GPATCH1: variants seen among roughly 807,000 people sequenced by gnomAD.
GPATCH1 encodes G patch domain-containing protein 1.
A neutral mutation model predicts 114.9 loss-of-function variants in GPATCH1; 73 were observed. The observed-to-expected ratio is 0.64, with a 90% confidence interval of 0.53 to 0.77. The LOEUF (loss-of-function observed/expected upper bound fraction) is 0.77. GPATCH1 is among the 30% of genes least tolerant of loss of function. The pLI, the probability that GPATCH1 is intolerant of heterozygous loss-of-function variation, is 0.00. For synonymous variants in GPATCH1, 391 were observed against 428.4 expected (o/e 0.91, Z 1.08); for missense variants, 1,058 against 1,144.3 (o/e 0.92, Z 1.09).
intron 3 of GPATCH1, 70 bp downstream of exon 3, chr19:33,090,935 C>G (rs1972587656): frequency 1.1e-6 from 1 of 888,006 alleles, no homozygotes; most frequent in Admixed American, 1.9e-5. Context: ...TAACTGCCTT[C>G]TCTCTCCCCA....
chr19:33,121,320 C>CTTTTCT (rs1555721576), intron 17 of GPATCH1, among the ~76,000 whole-genome samples: 78 of 124,518 alleles, frequency 6.3e-4, no homozygotes, highest in East Asian at 5.7e-3. Context: ...CTTTTCTTTT[C>CTTTTCT]TTTTTTTTTT....
chr19:33,117,214 T>C lies in GPATCH1; in HGVS notation c.2197-611T>C, dbSNP rs140025017. ...CTGGCTCAAAAAACCCCAAAACAAA[T>C]TATTATTCCTCTGTACATAATGATG... On this transcript the variant is annotated intron_variant, in intron 15 of 19. Coordinates refer to ENST00000170564, the MANE Select transcript of GPATCH1 (RefSeq NM_018025.3). 3.1e-3 allele frequency among the ~76,000 whole-genome samples: 465 copies of C among 152,238 alleles called. 4 individuals are homozygous for C. The highest frequency in any genetic ancestry group is 0.011 in the African/African-American group (438 of 41,568).
At chr19:33,106,147 C>A (rs545038272) in intron 9 of GPATCH1, among the ~76,000 whole-genome samples, 23 of 152,074 alleles carry the variant, frequency 1.5e-4, no homozygotes, top group Non-Finnish European at 1.8e-4. Context: ...CTGTTCCCGG[C>A]CCCAACTATT....
intron 9 of GPATCH1, among the ~76,000 whole-genome samples, chr19:33,104,803 A>G (rs141889943): frequency 6.6e-6 from 1 of 152,314 alleles, no homozygotes; most frequent in Non-Finnish European, 1.5e-5. Context: ...TTAAAAATCT[A>G]GAGAATATTT....
chr19:33,114,300 G>T lies in GPATCH1; in HGVS notation c.2077G>T (p.Glu693Ter), dbSNP rs1385965440. 1 of 1,613,388 alleles carries T rather than the reference G, an allele frequency of 6.2e-7. No individual in the cohort carries two copies. The change falls in exon 15 of 20, where the codon GAA (glutamate) becomes TAA (stop). Residue 693 changes from glutamate to a stop codon, truncating the protein, a stop_gained. Coordinates refer to ENST00000170564, the MANE Select transcript of GPATCH1 (RefSeq NM_018025.3). LOFTEE classifies it high-confidence loss of function. ...RWDTSKHEKK[E>*]DSISEFLSLA... is the part of the protein sequence containing the mutation. ...GGATACCTCTAAACACGAAAAGAAA[G>T]AAGATTCCATTAGTGAATTTTTAAG... is the stretch of plus-strand genomic sequence containing the variant.
chr19:33,126,453 T>C, intron 18 of GPATCH1, 135 bp from the exon 19 acceptor site: 1 of 1,323,604 alleles, frequency 7.6e-7, no homozygotes, highest in African/African-American at 1.5e-5. Flanking sequence ...AGGCTCTCAC[T>C]CTCACTCACT....
chr19:33,106,299 C>T (rs887023567), intron 9 of GPATCH1, among the ~76,000 whole-genome samples: 2 of 152,184 alleles, frequency 1.3e-5, no homozygotes, highest in Non-Finnish European at 2.9e-5. Flanking sequence ...CCACTGCGCC[C>T]AGCCATTATT....
At chr19:33,110,047 C>A (rs529868679) in intron 11 of GPATCH1, 31 bp downstream of exon 11, 2 of 1,550,758 alleles carry the variant, frequency 1.3e-6, no homozygotes, top group Admixed American at 1.8e-5. Context: ...TCCCAAATCT[C>A]GGCCCGGGCG....
At chr19:33,104,199 G>C (rs901351349) in intron 9 of GPATCH1, among the ~76,000 whole-genome samples, 8 of 151,822 alleles carry the variant, frequency 5.3e-5, no homozygotes, top group African/African-American at 1.9e-4. Flanking sequence ...AATTAGCTGG[G>C]TGTGGTGGTA....
At chr19:33,105,032 C>T (rs1363854885) in intron 9 of GPATCH1, among the ~76,000 whole-genome samples, 2 of 152,184 alleles carry the variant, frequency 1.3e-5, no homozygotes, top group African/African-American at 4.8e-5. Flanking sequence ...CATTTCACTT[C>T]CGTCAACTTT....
At chr19:33,083,106 T>TG (rs59963268) in intron 1 of GPATCH1, among the ~76,000 whole-genome samples, 3,155 of 141,584 alleles carry the variant, frequency 0.022, 36 homozygotes, top group Non-Finnish European at 0.034. Context: ...CTGGGCGTGG[T>TG]GGGGGGGGGC....
At chr19:33,083,262 AATAGAG>A (rs1253309298) in intron 1 of GPATCH1, among the ~76,000 whole-genome samples, 46 of 150,638 alleles carry the variant, frequency 3.1e-4, no homozygotes, top group African/African-American at 8.5e-4. Flanking sequence ...AAAAAAAAAA[AATAGAG>A]ATGGGATCCT....
intron 9 of GPATCH1, among the ~76,000 whole-genome samples, chr19:33,103,724 G>A (rs1191340518): frequency 2.0e-5 from 3 of 150,864 alleles, no homozygotes; most frequent in Admixed American, 6.6e-5. Context: ...AAAAAGAAAA[G>A]GAAGCATAGT....
At chr19:33,128,375 C>G (rs1351246279) in intron 19 of GPATCH1, among the ~76,000 whole-genome samples, 1 of 152,242 alleles carries the variant, frequency 6.6e-6, no homozygotes, top group Non-Finnish European at 1.5e-5. Context: ...ATTCTCCTGC[C>G]TCAGCCTCCT....
intron 2 of GPATCH1, 56 bp from the exon 3 acceptor site, chr19:33,090,724 C>A: frequency 1.9e-6 from 2 of 1,079,648 alleles, no homozygotes; most frequent in African/African-American, 1.6e-5. Context: ...TAATCATTTA[C>A]TCATAGACCC....
intron 17 of GPATCH1, among the ~76,000 whole-genome samples, chr19:33,119,372 T>TTA (rs1972951348): frequency 6.6e-6 from 1 of 152,132 alleles, no homozygotes; most frequent in Non-Finnish European, 1.5e-5. Flanking sequence ...TTAAGTTTTG[T>TTA]TATAGAAATA....
intron 17 of GPATCH1, among the ~76,000 whole-genome samples, chr19:33,120,098 A>G (rs1279853213): frequency 7.2e-6 from 1 of 139,812 alleles, no homozygotes; most frequent in Non-Finnish European, 1.5e-5. Context: ...ATTTAAAATA[A>G]ATATATTTTA....
At chr19:33,085,375 A>T (rs1014682444) in intron 1 of GPATCH1, among the ~76,000 whole-genome samples, 24 of 151,952 alleles carry the variant, frequency 1.6e-4, no homozygotes, top group African/African-American at 5.6e-4. Context: ...GCATACCACC[A>T]TGCCCGGCTA....
chr19:33,111,760 A>G lies in GPATCH1; in HGVS notation c.1622A>G (p.Glu541Gly), dbSNP rs1465516471. 4 of 1,614,048 alleles carry G rather than the reference A, an allele frequency of 2.5e-6. No individual in the cohort carries two copies. Among genetic ancestry groups the G allele is most frequent in the Non-Finnish European group, 3.4e-6 (4 of 1,180,004 alleles). ...CGCTGTCTGGACCCCAGCATGACAG[A>G]GTGGGAGCGAGGCCGTGAGCGGGAT... is the stretch of plus-strand genomic sequence containing the variant. The part of the protein sequence containing the change: ...LERCLDPSMT[E>G]WERGRERDEF... The change falls in exon 12 of 20, where the codon GAG (glutamate) becomes GGG (glycine). Residue 541 changes from glutamate to glycine, a missense_variant. By Grantham distance (98) the Glu-to-Gly change is moderately conservative (BLOSUM62 -2). This residue lies in a region of GPATCH1 where 893 missense variants were observed against 977.4 expected (regional missense o/e 0.91). Coordinates refer to ENST00000170564, the MANE Select transcript of GPATCH1 (RefSeq NM_018025.3).
Sources: allele counts gnomAD v4.1 joint callset (sites outside exome capture counted in the v4.1 genomes callset), GRCh38; gene constraint gnomAD v4.1.1; regional missense constraint gnomAD v4.1.1; transcripts MANE v1.5; gene names NCBI Gene and HGNC (gene_info 2026-07-23, HGNC 2026-07-21).